The following RPS6KA2 variants were observed in gnomAD, a reference collection of about 807,000 sequenced individuals.
RPS6KA2 encodes the protein ribosomal protein S6 kinase alpha-2.
RPS6KA2 carries 42 observed loss-of-function variants against 91.8 expected under a neutral mutation model. The observed-to-expected ratio is 0.46, with a 90% CI of 0.36 to 0.59. The LOEUF (loss-of-function observed/expected upper bound fraction) is 0.59, where lower values mean the gene tolerates loss of function less well. RPS6KA2 is among the 20% of genes least tolerant of loss of function. The pLI is 0.00. For synonymous variants in RPS6KA2, 414 were observed against 393.6 expected (o/e 1.05, Z -0.61); for missense variants, 798 against 978.5 (o/e 0.82, Z 2.46).
chr6:166,635,254 T>C lies in RPS6KA2; in HGVS notation c.124-96470A>G, dbSNP rs1373888500. On this transcript the variant is annotated intron_variant, in intron 2 of 21. Coordinates refer to the RPS6KA2 transcript ENST00000503859. This position sits in a 1 kb window ranked among gnomAD's most constrained non-coding sequence, Gnocchi z 4.8. ...CAACCCAGGTCCTCTGCGCATCTAC[T>C]GTGCCTGCTGCTGTGGGCTGTGCTG... Among the ~76,000 whole-genome samples, 1 of 152,196 alleles carries C rather than the reference T, an allele frequency of 6.6e-6. No individual in the cohort carries two copies. Among genetic ancestry groups the C allele is most frequent in the Non-Finnish European group, 1.5e-5 (1 of 68,032 alleles).
chr6:166,467,112 T>G (rs553775922), intron 11 of RPS6KA2, among the ~76,000 whole-genome samples: 69 of 152,296 alleles, frequency 4.5e-4, no homozygotes, highest in African/African-American at 1.7e-3. Flanking sequence ...ACTCACTCCC[T>G]CATTCACTCA....
intron 2 of RPS6KA2, among the ~76,000 whole-genome samples, chr6:166,673,783 C>T (rs1320821719): frequency 6.6e-6 from 1 of 152,074 alleles, no homozygotes; most frequent in Non-Finnish European, 1.5e-5. Flanking sequence ...TATGTGTGGC[C>T]CAGAGAACCC....
intron 2 of RPS6KA2, among the ~76,000 whole-genome samples, chr6:166,695,981 G>A (rs1789348845): frequency 6.6e-6 from 1 of 152,220 alleles, no homozygotes; most frequent in East Asian, 1.9e-4. Flanking sequence ...CACTCCTTAT[G>A]AGAATCCAAT....
chr6:166,444,441 G>A (rs530544542), intron 14 of RPS6KA2, among the ~76,000 whole-genome samples: 1 of 152,314 alleles, frequency 6.6e-6, no homozygotes, highest in South Asian at 2.1e-4. Context: ...TTACTTAGCT[G>A]TTTTGTCCCA....
chr6:166,633,585 C>A (rs1347191775), intron 2 of RPS6KA2, among the ~76,000 whole-genome samples: 1 of 152,236 alleles, frequency 6.6e-6, no homozygotes, highest in Non-Finnish European at 1.5e-5. Flanking sequence ...ATTCGTTATT[C>A]ACTCGGTTAA....
chr6:166,714,596 G>A (rs1210247239), intron 2 of RPS6KA2, among the ~76,000 whole-genome samples: 2 of 152,220 alleles, frequency 1.3e-5, no homozygotes, highest in African/African-American at 4.8e-5. Context: ...CGCACAGAGG[G>A]AAGACAGCCA....
chr6:166,734,558 C>T (rs1222785368), intron 2 of RPS6KA2, among the ~76,000 whole-genome samples: 1 of 152,178 alleles, frequency 6.6e-6, no homozygotes, highest in East Asian at 1.9e-4. Context: ...TCATTTCTTT[C>T]ATGTCCCAAT....
At chr6:166,478,750 G>A (rs371087210) in intron 10 of RPS6KA2, among the ~76,000 whole-genome samples, 3 of 152,116 alleles carry the variant, frequency 2.0e-5, no homozygotes, top group East Asian at 3.9e-4. Flanking sequence ...CACCCTTCCC[G>A]GCCACAGGCC....
At chr6:166,447,148 G>A (rs745411325) in intron 14 of RPS6KA2, among the ~76,000 whole-genome samples, 2 of 152,136 alleles carry the variant, frequency 1.3e-5, no homozygotes, top group Admixed American at 6.6e-5. Flanking sequence ...TGAAGCCTAC[G>A]CGCCCCAGGC....
chr6:166,568,053 C>T (rs2128508473), intron 1 of RPS6KA2, among the ~76,000 whole-genome samples: 1 of 152,280 alleles, frequency 6.6e-6, no homozygotes, highest in South Asian at 2.1e-4. Flanking sequence ...CCACCGCCAG[C>T]CCCAGAATCG....
Position 166,538,797 on chromosome 6 carries a change from G to T in RPS6KA2, c.100-13C>A, listed in dbSNP as rs751744404. 1.4e-6 allele frequency: 2 copies of T among 1,450,752 alleles called. No homozygotes were observed. Among genetic ancestry groups the T allele is most frequent in the Non-Finnish European group, 1.9e-6 (2 of 1,032,234 alleles). 89.9% of individuals were successfully genotyped at this position (1,450,752 alleles called of 1,614,324 possible). A position where few individuals can be genotyped will look rare whatever the true frequency, so the allele number is the denominator to read the frequency against. ...CGACGCCTTCTTCCTGCAAGAGAGC[G>T]GCACGGGTGAGAAACACACCGCGAG... On this transcript the variant is annotated splice_polypyrimidine_tract_variant and intron_variant, in intron 1 of 20. Coordinates refer to ENST00000265678, the MANE Select transcript of RPS6KA2 (RefSeq NM_021135.6).
At chr6:166,642,036 T>C (rs1328238808) in intron 2 of RPS6KA2, among the ~76,000 whole-genome samples, 2 of 151,938 alleles carry the variant, frequency 1.3e-5, no homozygotes, top group Non-Finnish European at 2.9e-5. Context: ...CCGATCTTCA[T>C]ATTTATAAAG....
intron 14 of RPS6KA2, among the ~76,000 whole-genome samples, chr6:166,439,124 T>TTAA (rs1779438263): frequency 8.8e-6 from 1 of 113,908 alleles, no homozygotes; most frequent in East Asian, 2.5e-4. Context: ...TAATTAATTA[T>TTAA]TTGAGATGGA....
At chr6:166,558,888 G>C (rs569352604) in intron 1 of RPS6KA2, among the ~76,000 whole-genome samples, 1 of 152,230 alleles carries the variant, frequency 6.6e-6, no homozygotes, top group South Asian at 2.1e-4. Context: ...GGAAACATTT[G>C]GTGTTTCAAG....
chr6:166,798,796 T>C (rs958881806), intron 2 of RPS6KA2, among the ~76,000 whole-genome samples: 1 of 152,210 alleles, frequency 6.6e-6, no homozygotes, highest in Non-Finnish European at 1.5e-5. Context: ...AGGTGCATCT[T>C]GGACCTCGCA....
chr6:166,419,810 C>A lies in RPS6KA2; in HGVS notation c.1820+72G>T. The A allele has an allele frequency of 7.2e-7, 1 of 1,386,174 alleles. No homozygotes were observed. The highest frequency in any genetic ancestry group is 1.2e-5 in the South Asian group (1 of 85,878). The allele number at this position is 1,386,174 out of a possible 1,614,324, so 85.9% of individuals were successfully genotyped here. A position where few individuals can be genotyped will look rare whatever the true frequency, so the allele number is the denominator to read the frequency against. On this transcript the variant is annotated intron_variant, in intron 18 of 20. Coordinates refer to ENST00000265678, the MANE Select transcript of RPS6KA2 (RefSeq NM_021135.6). This position sits in a 1 kb window ranked among gnomAD's most constrained non-coding sequence, Gnocchi z 5.6. ...ACACTAGGACAGGGCTGGCCCTGGT[C>A]CCCTGACAGATCAGCCACTGAGGCT... is the stretch of plus-strand genomic sequence containing the variant.
Position 166,648,250 on chromosome 6 carries a change from GC to G in RPS6KA2, c.124-109467del, listed in dbSNP as rs1360536221. Among the ~76,000 whole-genome samples the G allele has an allele frequency of 8.4e-6, 1 of 118,738 alleles. No homozygotes were observed. The highest frequency in any genetic ancestry group is 1.8e-5 in the Non-Finnish European group (1 of 54,660). The allele number at this position is 118,738 out of a possible 152,430, so 77.9% of individuals were successfully genotyped here. On this transcript the variant is annotated intron_variant, in intron 2 of 21. Transcript: ENST00000503859. This position sits in a 1 kb window ranked among gnomAD's most constrained non-coding sequence, Gnocchi z 4.8. ...TGCGCACACACACACATTCACACAG[GC>G]ACACACACTCATGTTCATACACACG...
At chr6:166,787,500 CA>C (rs1008866446) in intron 2 of RPS6KA2, among the ~76,000 whole-genome samples, 2 of 149,470 alleles carry the variant, frequency 1.3e-5, no homozygotes, top group African/African-American at 2.5e-5. Flanking sequence ...AGAAATGTTC[CA>C]AAAAAAAAGG....
chr6:166,571,338 CA>C (rs1784680847), intron 1 of RPS6KA2, among the ~76,000 whole-genome samples: 1 of 152,196 alleles, frequency 6.6e-6, no homozygotes, highest in South Asian at 2.1e-4. Context: ...GAAAGACCAG[CA>C]AAGAGGTTGC....
Sources: allele counts gnomAD v4.1 joint callset (sites outside exome capture counted in the v4.1 genomes callset), GRCh38; gene constraint gnomAD v4.1.1; non-coding constraint Gnocchi (gnomAD v3.1); transcripts MANE v1.5; gene names NCBI Gene and HGNC (gene_info 2026-07-23, HGNC 2026-07-21).